The following RIMS4 variants were observed in gnomAD, a reference collection of about 807,000 sequenced individuals.
RIMS4 encodes the protein regulating synaptic membrane exocytosis 4.
In RIMS4, 9 loss-of-function variants were observed where a neutral mutation model predicts 29.0. The observed-to-expected ratio is 0.31, with a 90% confidence interval of 0.19 to 0.54. The LOEUF is 0.54. Ranked by LOEUF, RIMS4 falls within the 20% of genes least tolerant of loss-of-function variation. The pLI is 0.94. For synonymous variants in RIMS4, 130 were observed against 152.9 expected (o/e 0.85, Z 1.10); for missense variants, 193 against 365.7 (o/e 0.53, Z 3.85).
chr20:44,774,985 G>C (rs1237680446), intron 1 of RIMS4, among the ~76,000 whole-genome samples: 1 of 152,114 alleles, frequency 6.6e-6, no homozygotes, highest in African/African-American at 2.4e-5. Context: ...CCAGCCCATC[G>C]ATCCATCAGG....
intron 4 of RIMS4, 81 bp from the exon 5 acceptor site, chr20:44,757,118 C>T: frequency 6.8e-7 from 1 of 1,481,328 alleles, no homozygotes; most frequent in Non-Finnish European, 9.3e-7. Flanking sequence ...GGAGGCTGCC[C>T]ACCCTCTGCT....
rs764210254 is a variant in RIMS4, at chr20:44,756,121, C to T, written c.*13G>A. 56 of 1,578,662 alleles carry T rather than the reference C, an allele frequency of 3.5e-5. No individual in the cohort carries two copies. Among genetic ancestry groups the T allele is most frequent in the Non-Finnish European group, 4.8e-5 (56 of 1,158,302 alleles). On this transcript the variant is annotated 3_prime_UTR_variant, in exon 6 of 6. Coordinates refer to ENST00000372851, the MANE Select transcript of RIMS4 (RefSeq NM_182970.4). This position sits in a 1 kb window ranked among gnomAD's most constrained non-coding sequence, Gnocchi z 5.9. ...CTCCAGGCCATCTTGGGGAGCCCCT[C>T]CCCATTCCAGCACTAAGATCGTTCT...
chr20:44,764,200 A>T (rs373204302), intron 2 of RIMS4, among the ~76,000 whole-genome samples: 27 of 59,128 alleles, frequency 4.6e-4, no homozygotes, highest in East Asian at 6.2e-4. Context: ...TTATCCATCC[A>T]TCCATCCATC....
intron 2 of RIMS4, among the ~76,000 whole-genome samples, chr20:44,767,371 T>C (rs1488109545): frequency 6.6e-6 from 1 of 152,178 alleles, no homozygotes; most frequent in Admixed American, 6.5e-5. Context: ...TGGTTGACTC[T>C]GCATCCTTAA....
chr20:44,791,192 C>T (rs1349302898), intron 1 of RIMS4, among the ~76,000 whole-genome samples: 5 of 152,272 alleles, frequency 3.3e-5, no homozygotes, highest in Admixed American at 3.3e-4. Flanking sequence ...CACGCGCACA[C>T]ACCCCCTAGA....
At chr20:44,807,908 C>G (rs566914473) in intron 1 of RIMS4, among the ~76,000 whole-genome samples, 1 of 152,180 alleles carries the variant, frequency 6.6e-6, no homozygotes, top group African/African-American at 2.4e-5. Context: ...GCCAGCCGCA[C>G]CCCCAGGCCT....
At chr20:44,805,243 T>C (rs548070076) in intron 1 of RIMS4, among the ~76,000 whole-genome samples, 20 of 152,020 alleles carry the variant, frequency 1.3e-4, no homozygotes, top group Non-Finnish European at 2.2e-4. Flanking sequence ...GAGGTAGAGA[T>C]GGCAGCGAGC....
At chr20:44,782,131 A>C (rs1456270293) in intron 1 of RIMS4, among the ~76,000 whole-genome samples, 1 of 152,232 alleles carries the variant, frequency 6.6e-6, no homozygotes, top group East Asian at 1.9e-4. Context: ...CCTGCAAAAC[A>C]GGAAAAATGA....
chr20:44,758,325 T>G (rs1601017158), intron 2 of RIMS4, 141 bp from the exon 3 acceptor site: 3 of 621,926 alleles, frequency 4.8e-6, no homozygotes. Context: ...AGTATCTGGC[T>G]CATGTGGTTT....
Position 44,755,957 on chromosome 20 carries a change from G to T in RIMS4, c.*177C>A. 1.7e-6 allele frequency: 1 copy of T among 586,620 alleles called. No homozygotes were observed. Among genetic ancestry groups the T allele is most frequent in the South Asian group, 2.3e-5 (1 of 44,308 alleles). 36.3% of individuals were successfully genotyped at this position (586,620 alleles called of 1,614,324 possible). A position where few individuals can be genotyped will look rare whatever the true frequency, so the allele number is the denominator to read the frequency against. On this transcript the variant is annotated 3_prime_UTR_variant, in exon 6 of 6. Coordinates refer to ENST00000372851, the MANE Select transcript of RIMS4 (RefSeq NM_182970.4). ...CCGTTGGGAGAGGGGAGGTCTCGGG[G>T]GTAGGAGGCAAAGAAGGGGTGAGGA... is the stretch of plus-strand genomic sequence containing the variant.
intron 1 of RIMS4, among the ~76,000 whole-genome samples, chr20:44,787,087 G>A (rs2066211778): frequency 6.6e-6 from 1 of 152,182 alleles, no homozygotes; most frequent in South Asian, 2.1e-4. Context: ...CTGAAACAGA[G>A]TGATCAGAGA....
intron 1 of RIMS4, among the ~76,000 whole-genome samples, chr20:44,778,533 GC>G (rs2066170305): frequency 6.6e-6 from 1 of 152,026 alleles, no homozygotes; most frequent in Admixed American, 6.6e-5. Flanking sequence ...AAAATTACTA[GC>G]CCACACTGTA....
In RIMS4 at chr20:44,753,796, C is replaced by G. The variant is rs2066045699; in HGVS notation, c.*2338G>C. On this transcript the variant is annotated 3_prime_UTR_variant, in exon 6 of 6. Coordinates refer to ENST00000372851, the MANE Select transcript of RIMS4 (RefSeq NM_182970.4). ...AGGGCTCCAGCCCCCAGCTGCTCCA[C>G]CCCTCCAGGAGGTGAGCGGGATTTC... The G allele has an allele frequency of 6.5e-6, 1 of 152,724 alleles. No individual in the cohort carries two copies. Among genetic ancestry groups the G allele is most frequent in the African/African-American group, 2.4e-5 (1 of 41,464 alleles). The allele number at this position is 152,724 out of a possible 1,614,324, so 9.5% of individuals were successfully genotyped here.
intron 1 of RIMS4, among the ~76,000 whole-genome samples, chr20:44,799,430 T>C (rs1216702630): frequency 1.3e-5 from 2 of 149,176 alleles, no homozygotes; most frequent in Non-Finnish European, 2.9e-5. Flanking sequence ...AAATGGTAAG[T>C]TTCCTGAGGC....
rs193056685 is a variant in RIMS4, at chr20:44,783,958, A to G, written c.98-12545T>C. On this transcript the variant is annotated intron_variant, in intron 1 of 5. Transcript: ENST00000372851. The stretch of plus-strand genomic sequence containing the variant: ...CCCACTGAATTGTTCACTTTAAACT[A>G]GTAAACTGTATGGTATATGAATTAT... Among the ~76,000 whole-genome samples the G allele has an allele frequency of 1.4e-4, 22 of 152,350 alleles. No homozygotes were observed. The East Asian group carries it at 2.1e-3, about 15-fold the overall frequency.
intron 2 of RIMS4, among the ~76,000 whole-genome samples, chr20:44,764,089 T>C (rs113128780): frequency 1.1e-3 from 59 of 52,596 alleles, no homozygotes; most frequent in Middle Eastern, 0.011. Flanking sequence ...CATCCATCCA[T>C]CCACCCATCC....
At chr20:44,767,408 G>A (rs1295662729) in intron 2 of RIMS4, among the ~76,000 whole-genome samples, 1 of 152,132 alleles carries the variant, frequency 6.6e-6, no homozygotes, top group East Asian at 1.9e-4. Context: ...TTCTGATCAG[G>A]CAGAAACAGG....
chr20:44,762,290 GCCCCTGGGGTTGGGGAC>G (rs1253766317), intron 2 of RIMS4, among the ~76,000 whole-genome samples: 1 of 152,138 alleles, frequency 6.6e-6, no homozygotes, highest in Non-Finnish European at 1.5e-5. Flanking sequence ...CCTGGGGGAG[GCCCCTGGGGTTGGGGAC>G]CCCTGACCTC....
chr20:44,808,452 C>G (rs2066308684), intron 1 of RIMS4, among the ~76,000 whole-genome samples: 1 of 152,176 alleles, frequency 6.6e-6, no homozygotes, highest in Admixed American at 6.5e-5. Flanking sequence ...TGCTCCTGCC[C>G]AGCCTGGCTC....
Sources: allele counts gnomAD v4.1 joint callset (sites outside exome capture counted in the v4.1 genomes callset), GRCh38; gene constraint gnomAD v4.1.1; non-coding constraint Gnocchi (gnomAD v3.1); transcripts MANE v1.5; gene names NCBI Gene and HGNC (gene_info 2026-07-23, HGNC 2026-07-21).